The following RGS7 variants were observed in gnomAD, a reference collection of about 807,000 sequenced individuals.
The protein encoded by RGS7 is regulator of G protein signaling 7.
A neutral mutation model predicts 81.1 loss-of-function variants in RGS7; 27 were observed. That is an observed-to-expected ratio of 0.33 (90% confidence interval 0.25 to 0.46). RGS7 has a LOEUF of 0.46. Among genes scored for constraint, RGS7 ranks in the 20% least tolerant of loss-of-function variants. The pLI, the probability that RGS7 is intolerant of heterozygous loss-of-function variation, is 1.00. For missense variants in RGS7, 396 were observed against 607.4 expected (o/e 0.65, Z 3.66); for synonymous variants, 208 against 207.7 (o/e 1.00, Z -0.01).
intron 2 of RGS7, among the ~76,000 whole-genome samples, chr1:241,132,511 A>T (rs1049462471): frequency 6.6e-6 from 1 of 152,170 alleles, no homozygotes; most frequent in Non-Finnish European, 1.5e-5. Context: ...GCTTCCATCA[A>T]TGTTTGTTTA....
At chr1:241,013,837 C>G (rs1448022936) in intron 3 of RGS7, among the ~76,000 whole-genome samples, 2 of 152,220 alleles carry the variant, frequency 1.3e-5, no homozygotes, top group African/African-American at 4.8e-5. Context: ...AATGACTCCA[C>G]CATATCATGT....
In RGS7 at chr1:241,043,670, TATATC is replaced by T. The variant is rs1045456339; in HGVS notation, c.175+54991_175+54995del. On this transcript the variant is annotated intron_variant, in intron 3 of 18. Coordinates refer to ENST00000440928, the MANE Select transcript of RGS7 (RefSeq NM_001364886.1). ...TAGTTATATTTATATAATATTATGT[TATATC>T]TATATATAGATATGAGAAAAAGCAA... Among the ~76,000 whole-genome samples, 318 of 148,020 alleles carry T rather than the reference TATATC, an allele frequency of 2.1e-3. 2 individuals are homozygous for T. The highest frequency in any genetic ancestry group is 7.3e-3 in the African/African-American group (298 of 40,614).
chr1:241,008,239 TA>T (rs751311507), intron 3 of RGS7, among the ~76,000 whole-genome samples: 1 of 152,178 alleles, frequency 6.6e-6, no homozygotes, highest in Non-Finnish European at 1.5e-5. Flanking sequence ...ACTGAGCCTG[TA>T]AAAGAGTTTC....
intron 9 of RGS7, among the ~76,000 whole-genome samples, chr1:240,848,681 A>G (rs1659542131): frequency 6.6e-6 from 1 of 151,818 alleles, no homozygotes; most frequent in Non-Finnish European, 1.5e-5. Flanking sequence ...TGAGACATGC[A>G]CAAGAAAAAT....
At chr1:241,281,583 T>C (rs2078516347) in intron 2 of RGS7, among the ~76,000 whole-genome samples, 1 of 152,360 alleles carries the variant, frequency 6.6e-6, no homozygotes, top group Admixed American at 6.5e-5. Context: ...GCTTGATATG[T>C]ACCATAGATT....
At chr1:241,345,963 C>T (rs975402057) in intron 2 of RGS7, among the ~76,000 whole-genome samples, 11 of 151,942 alleles carry the variant, frequency 7.2e-5, no homozygotes, top group African/African-American at 2.4e-4. Context: ...TGCAGTGAGC[C>T]GAGATCACGC....
chr1:241,194,689 GCTGAAC>G (rs2072936399), intron 2 of RGS7, among the ~76,000 whole-genome samples: 1 of 152,110 alleles, frequency 6.6e-6, no homozygotes, highest in South Asian at 2.1e-4. Context: ...AACTATAAAG[GCTGAAC>G]AAAATGTCCA....
At chr1:240,833,350 T>G (rs1464745740) in intron 9 of RGS7, among the ~76,000 whole-genome samples, 1 of 152,228 alleles carries the variant, frequency 6.6e-6, no homozygotes, top group Non-Finnish European at 1.5e-5. Flanking sequence ...TACAAACTTA[T>G]GCATTGTTTC....
At chr1:240,962,914 G>A (rs1166982718) in intron 4 of RGS7, among the ~76,000 whole-genome samples, 1 of 152,170 alleles carries the variant, frequency 6.6e-6, no homozygotes, top group East Asian at 1.9e-4. Flanking sequence ...ATCAAAAAGG[G>A]TTTTAAATAT....
intron 2 of RGS7, among the ~76,000 whole-genome samples, chr1:241,135,727 C>T (rs2067460098): frequency 6.6e-6 from 1 of 151,958 alleles, no homozygotes; most frequent in South Asian, 2.1e-4. Context: ...CCTTCTCCCA[C>T]GTGGTGTGGC....
In RGS7 at chr1:240,794,902, G is replaced by T. The variant is rs575670041; in HGVS notation, c.*6+5739C>A. ...TTACATTTAATAAAATCCAGGTAAGGCTGGGCGTGGTGGCTCATGCTTGTA... is the reference window on the plus strand; with the variant it reads ...TTACATTTAATAAAATCCAGGTAAGTCTGGGCGTGGTGGCTCATGCTTGTA... On this transcript the variant is annotated intron_variant, in intron 18 of 18. Coordinates refer to ENST00000440928, the MANE Select transcript of RGS7 (RefSeq NM_001364886.1). 1.2e-4 allele frequency among the ~76,000 whole-genome samples: 19 copies of T among 152,230 alleles called. No homozygotes were observed. In the South Asian group the frequency reaches 3.7e-3, roughly 30 times the overall value.
intron 3 of RGS7, among the ~76,000 whole-genome samples, chr1:241,023,159 A>C (rs2059620793): frequency 6.6e-6 from 1 of 151,092 alleles, no homozygotes; most frequent in African/African-American, 2.4e-5. Context: ...TATAGTTGTC[A>C]TAATGATTAA....
chr1:241,035,679 C>T (rs950616351), intron 3 of RGS7, among the ~76,000 whole-genome samples: 1 of 152,154 alleles, frequency 6.6e-6, no homozygotes, highest in Non-Finnish European at 1.5e-5. Context: ...ACCACTTCCA[C>T]CCTTATCAGC....
intron 2 of RGS7, among the ~76,000 whole-genome samples, chr1:241,181,700 CT>C (rs1044087800): frequency 1.3e-5 from 2 of 152,062 alleles, no homozygotes; most frequent in Non-Finnish European, 1.5e-5. Flanking sequence ...ATAATGGTCT[CT>C]TTGTTTTTTG....
chr1:240,916,762 T>C (rs1672687561), intron 6 of RGS7, among the ~76,000 whole-genome samples: 1 of 152,196 alleles, frequency 6.6e-6, no homozygotes, highest in Admixed American at 6.5e-5. Context: ...ACCTTGTTCT[T>C]GGACTTCCAG....
At chr1:240,995,112 T>A (rs903557464) in intron 3 of RGS7, among the ~76,000 whole-genome samples, 14 of 152,370 alleles carry the variant, frequency 9.2e-5, no homozygotes, top group African/African-American at 3.4e-4. Context: ...CATGTGATTT[T>A]TCTATTTTAT....
intron 4 of RGS7, among the ~76,000 whole-genome samples, chr1:240,942,454 C>A (rs998339264): frequency 6.6e-6 from 1 of 152,144 alleles, no homozygotes; most frequent in Non-Finnish European, 1.5e-5. Context: ...AATAAAATGC[C>A]TCTGAGTCAA....
chr1:240,990,215 G>A lies in RGS7; in HGVS notation c.176-7086C>T, dbSNP rs571642500. On this transcript the variant is annotated intron_variant, in intron 3 of 18. Transcript: ENST00000440928. ...GATGGAGGCATTTTCCAGAAAGAAT[G>A]AGTGCTTTGCAGACATAACAATGGG... Among the ~76,000 whole-genome samples, 4 of 152,256 alleles carry A rather than the reference G, an allele frequency of 2.6e-5. No homozygotes were observed. The East Asian group carries it at 7.7e-4, about 29-fold the overall frequency.
intron 15 of RGS7, among the ~76,000 whole-genome samples, chr1:240,804,685 T>A (rs1022619294): frequency 6.6e-6 from 1 of 152,204 alleles, no homozygotes; most frequent in African/African-American, 2.4e-5. Flanking sequence ...CTCGGCATTT[T>A]ATCTTGGACT....
Sources: allele counts gnomAD v4.1 joint callset (sites outside exome capture counted in the v4.1 genomes callset), GRCh38; gene constraint gnomAD v4.1.1; transcripts MANE v1.5; gene names NCBI Gene and HGNC (gene_info 2026-07-23, HGNC 2026-07-21).